The following FHIT variants were observed in gnomAD, a reference collection of about 807,000 sequenced individuals.
FHIT encodes fragile histidine triad diadenosine triphosphatase.
FHIT carries 19 observed loss-of-function variants against 17.9 expected under a neutral mutation model. The ratio of observed to expected loss-of-function variants is 1.06; its 90% CI spans 0.74 to 1.56. The LOEUF (loss-of-function observed/expected upper bound fraction) is 1.56, where lower values mean the gene tolerates loss of function less well. FHIT is among the 40% of genes most tolerant of loss of function. The probability of loss-of-function intolerance (pLI) is 0.00; values close to 1 mark genes in which losing one functional copy is unlikely to be tolerated. For missense variants in FHIT, 248 were observed against 189.2 expected (o/e 1.31, Z -1.82); for synonymous variants, 81 against 69.7 (o/e 1.16, Z -0.81).
At chr3:60,149,792 C>T (rs1288758553) in intron 5 of FHIT, among the ~76,000 whole-genome samples, 1 of 151,538 alleles carries the variant, frequency 6.6e-6, no homozygotes, top group Non-Finnish European at 1.5e-5. Flanking sequence ...CCCCCCTACC[C>T]CCCTACCCAT....
intron 5 of FHIT, among the ~76,000 whole-genome samples, chr3:60,199,145 C>G (rs748868851): frequency 6.6e-6 from 1 of 152,084 alleles, no homozygotes; most frequent in Non-Finnish European, 1.5e-5. Flanking sequence ...AAGCCAGGTA[C>G]TAAAAATTAC....
At chr3:61,163,171 A>T (rs1467931278) in intron 2 of FHIT, among the ~76,000 whole-genome samples, 1 of 152,094 alleles carries the variant, frequency 6.6e-6, no homozygotes, top group Non-Finnish European at 1.5e-5. Flanking sequence ...GACCTAGTTA[A>T]TTCCTAATCT....
chr3:60,419,114 G>T (rs1053085540), intron 5 of FHIT, among the ~76,000 whole-genome samples: 2 of 152,166 alleles, frequency 1.3e-5, no homozygotes, highest in African/African-American at 4.8e-5. Context: ...GTGCAGTCAG[G>T]CAAGTGTGCC....
chr3:59,890,574 C>T (rs564473642), intron 8 of FHIT, among the ~76,000 whole-genome samples: 3 of 152,262 alleles, frequency 2.0e-5, no homozygotes, highest in Admixed American at 2.0e-4. Context: ...AAAATGGGAA[C>T]CCGCTTAACT....
At chr3:59,928,290 T>A (rs1289161090) in intron 7 of FHIT, among the ~76,000 whole-genome samples, 1 of 152,222 alleles carries the variant, frequency 6.6e-6, no homozygotes, top group East Asian at 1.9e-4. Context: ...TGGCTGCAAA[T>A]GAATTAAGGT....
intron 3 of FHIT, among the ~76,000 whole-genome samples, chr3:60,998,346 A>G (rs2030821020): frequency 6.6e-6 from 1 of 152,208 alleles, no homozygotes; most frequent in Non-Finnish European, 1.5e-5. Context: ...TTAAGTAAAT[A>G]TTTGTAATAG....
intron 7 of FHIT, among the ~76,000 whole-genome samples, chr3:59,972,576 T>C (rs1263938355): frequency 2.6e-5 from 4 of 152,068 alleles, no homozygotes; most frequent in Non-Finnish European, 2.9e-5. Context: ...GTCAGCTTTT[T>C]CCTGCAGGTT....
chr3:60,229,559 G>A (rs1238489656), intron 5 of FHIT, among the ~76,000 whole-genome samples: 1 of 152,170 alleles, frequency 6.6e-6, no homozygotes, highest in Non-Finnish European at 1.5e-5. Flanking sequence ...AAGTATAAAA[G>A]TAGATATTTT....
chr3:61,066,491 T>G (rs930104721), intron 2 of FHIT, among the ~76,000 whole-genome samples: 2 of 152,160 alleles, frequency 1.3e-5, no homozygotes, highest in Admixed American at 1.3e-4. Flanking sequence ...GACATACACC[T>G]GTAGTCCCAG....
chr3:61,207,100 T>C (rs2039264548), intron 1 of FHIT, among the ~76,000 whole-genome samples: 1 of 152,362 alleles, frequency 6.6e-6, no homozygotes, highest in Admixed American at 6.5e-5. Context: ...TCTTTGGTTC[T>C]GTTTATATGC....
At chr3:60,395,394 A>G (rs1701397294) in intron 5 of FHIT, among the ~76,000 whole-genome samples, 1 of 152,182 alleles carries the variant, frequency 6.6e-6, no homozygotes, top group South Asian at 2.1e-4. Flanking sequence ...TCCTTGTTCA[A>G]AGGCACCCAG....
At chr3:60,029,347 T>C (rs1248272569) in intron 5 of FHIT, among the ~76,000 whole-genome samples, 1 of 152,106 alleles carries the variant, frequency 6.6e-6, no homozygotes, top group Non-Finnish European at 1.5e-5. Flanking sequence ...TTAAAAAATA[T>C]TGGGTGGGGC....
rs183862570 is a variant in FHIT, at chr3:59,856,366, A to G, written c.348+65980T>C. On this transcript the variant is annotated intron_variant, in intron 8 of 9. Transcript: ENST00000492590. Reference sequence around the variant, plus strand: ...ATCACACCAGGTGATTTTACACGCAAATTTTTCCCAATGTTCAAGGAAGAC... The same window carrying G: ...ATCACACCAGGTGATTTTACACGCAGATTTTTCCCAATGTTCAAGGAAGAC... 2.0e-3 allele frequency among the ~76,000 whole-genome samples: 305 copies of G among 152,318 alleles called. 1 individual carries two copies. The highest frequency in any genetic ancestry group is 3.4e-3 in the Middle Eastern group (1 of 294).
At chr3:60,739,575 T>G (rs1032128968) in intron 4 of FHIT, among the ~76,000 whole-genome samples, 11 of 152,216 alleles carry the variant, frequency 7.2e-5, no homozygotes, top group African/African-American at 2.4e-4. Flanking sequence ...GGATGATTCT[T>G]TACTGGGGAG....
intron 5 of FHIT, among the ~76,000 whole-genome samples, chr3:60,095,050 G>A (rs1418606915): frequency 6.6e-6 from 1 of 152,092 alleles, no homozygotes; most frequent in Non-Finnish European, 1.5e-5. Flanking sequence ...GCAAATGAAC[G>A]CTTTGAATGC....
rs199907071 is a variant in FHIT, at chr3:60,833,911, GT to G, written c.-110-11901del. Among the ~76,000 whole-genome samples, 251 of 152,188 alleles carry G rather than the reference GT, an allele frequency of 1.6e-3. 1 individual carries two copies. Among genetic ancestry groups the G allele is most frequent in the African/African-American group, 5.7e-3 (235 of 41,528 alleles). On this transcript the variant is annotated intron_variant, in intron 3 of 9. Coordinates refer to ENST00000492590, the MANE Select transcript of FHIT (RefSeq NM_002012.4). Reference sequence around the variant, plus strand: ...ACAGTGTGTAATCTTTTGGTTTTGTGTTTTTTTCCCCTTTAATCTATTCCCT... The same window carrying G: ...ACAGTGTGTAATCTTTTGGTTTTGTGTTTTTTCCCCTTTAATCTATTCCCT...
At chr3:60,545,071 A>T (rs2036315944) in intron 4 of FHIT, among the ~76,000 whole-genome samples, 1 of 137,092 alleles carries the variant, frequency 7.3e-6, no homozygotes, top group African/African-American at 2.8e-5. Flanking sequence ...GACAATCATT[A>T]CAATTTATTG....
chr3:59,882,176 C>T (rs1343472243), intron 8 of FHIT, among the ~76,000 whole-genome samples: 15 of 151,498 alleles, frequency 9.9e-5, no homozygotes, highest in Admixed American at 9.8e-4. Context: ...GTATAAAACA[C>T]ACTGCTGGTA....
intron 2 of FHIT, among the ~76,000 whole-genome samples, chr3:61,147,677 T>G (rs1006147674): frequency 5.3e-5 from 8 of 151,972 alleles, no homozygotes; most frequent in African/African-American, 1.9e-4. Context: ...AAAATAATAG[T>G]TACATCCATG....
Sources: gnomAD v4.1 joint callset for allele counts (sites outside exome capture counted in the v4.1 genomes callset) on GRCh38, gnomAD v4.1.1 for gene constraint, MANE v1.5 for transcripts, NCBI Gene and HGNC (gene_info 2026-07-23, HGNC 2026-07-21) for gene names.